The following ACSBG2 variants were observed in gnomAD, a reference collection of about 807,000 sequenced individuals.
The protein encoded by ACSBG2 is long-chain-fatty-acid--CoA ligase ACSBG2.
In ACSBG2, 62 loss-of-function variants were observed where a neutral mutation model predicts 74.7. The observed-to-expected ratio is 0.83, with a 90% CI of 0.68 to 1.03. The LOEUF (loss-of-function observed/expected upper bound fraction) is 1.03, where lower values mean the gene tolerates loss of function less well. ACSBG2 is among the 50% of genes least tolerant of loss of function. The pLI, the probability that ACSBG2 is intolerant of heterozygous loss-of-function variation, is 0.00. For synonymous variants in ACSBG2, 309 were observed against 294.1 expected (o/e 1.05, Z -0.52); for missense variants, 730 against 817.6 (o/e 0.89, Z 1.31).
chr19:6,136,004 G>T (rs917064242), intron 1 of ACSBG2, 95 bp downstream of exon 1: 3 of 151,970 alleles, frequency 2.0e-5, no homozygotes, highest in African/African-American at 7.3e-5. Context: ...GCAGTGGCAC[G>T]ATCTCAGCTC....
intron 14 of ACSBG2, chr19:6,191,125 GATA>G (rs1021483872): frequency 2.5e-5 from 4 of 159,154 alleles, no homozygotes; most frequent in Admixed American, 6.0e-5. Flanking sequence ...CCATTACACA[GATA>G]ATAAGGGATG....
At chr19:6,162,655 A>C (rs897094366) in intron 6 of ACSBG2, among the ~76,000 whole-genome samples, 4 of 152,132 alleles carry the variant, frequency 2.6e-5, no homozygotes, top group African/African-American at 9.7e-5. Context: ...ATAACTTAAA[A>C]GACTACTTTG....
chr19:6,163,322 C>T lies in ACSBG2; in HGVS notation c.588+2027C>T, dbSNP rs186387743. On this transcript the variant is annotated intron_variant, in intron 6 of 14. Transcript: ENST00000588485. ...AAAATTAGCTGGGCATGGTGGCATGCGCCTGTAGTCCCAGCTGCTCAGGAG... is the reference window on the plus strand; with the variant it reads ...AAAATTAGCTGGGCATGGTGGCATGTGCCTGTAGTCCCAGCTGCTCAGGAG... 5.6e-5 allele frequency among the ~76,000 whole-genome samples: 5 copies of T among 89,546 alleles called. 2 individuals are homozygous for T. Among genetic ancestry groups the T allele is most frequent in the South Asian group, 8.5e-4 (2 of 2,344 alleles). 58.7% of individuals were successfully genotyped at this position (89,546 alleles called of 152,430 possible). A position where few individuals can be genotyped will look rare whatever the true frequency, so the allele number is the denominator to read the frequency against.
intron 4 of ACSBG2, among the ~76,000 whole-genome samples, chr19:6,155,856 G>A (rs1011171586): frequency 2.1e-4 from 30 of 143,156 alleles, no homozygotes; most frequent in Middle Eastern, 3.7e-3. Context: ...CTTAAAACTC[G>A]AATTTCTAAC....
At chr19:6,150,973 G>A (rs1158916782) in intron 3 of ACSBG2, among the ~76,000 whole-genome samples, 1 of 151,870 alleles carries the variant, frequency 6.6e-6, no homozygotes, top group African/African-American at 2.4e-5. Context: ...AATTAGCCAG[G>A]CGTGGTGGCG....
chr19:6,138,479 A>AGGGGAAG, intron 1 of ACSBG2, among the ~76,000 whole-genome samples: 1 of 99,620 alleles, frequency 1.0e-5, no homozygotes, highest in East Asian at 3.6e-4. Context: ...GGAGAGAGAG[A>AGGGGAAG]GGGGAAGGGG....
chr19:6,187,320 C>A lies in ACSBG2; in HGVS notation c.1578C>A (p.Pro526=). The part of the protein sequence containing the change: ...LITAGGENVP[P]IPVETLVKKK... ...CTGCTGGTGGTGAAAATGTGCCCCCCATTCCTGTTGAGACCTTGGTTAAGA... is the reference window on the plus strand; with the variant it reads ...CTGCTGGTGGTGAAAATGTGCCCCCAATTCCTGTTGAGACCTTGGTTAAGA... The change falls in exon 12 of 15, where the codon CCC becomes CCA. Residue 526 remains proline (P), a synonymous_variant. Coordinates refer to ENST00000588485, the MANE Select transcript of ACSBG2 (RefSeq NM_030924.5). 3.1e-6 allele frequency: 5 copies of A among 1,614,172 alleles called. No individual in the cohort carries two copies. The highest frequency in any genetic ancestry group is 1.1e-5 in the South Asian group (1 of 91,074).
rs553779183 is a variant in ACSBG2 at position 6,185,820 on chromosome 19, A to G, written c.1540+167A>G. On this transcript the variant is annotated intron_variant, in intron 11 of 14. Coordinates refer to ENST00000588485, the MANE Select transcript of ACSBG2 (RefSeq NM_030924.5). ...ACCCAGCTCTATCCTCCTGTCCAGC[A>G]AACAGTTACCCCTTGGTCACTTGGT... 6.1e-4 allele frequency among the ~76,000 whole-genome samples: 93 copies of G among 152,286 alleles called. 1 individual carries two copies. Among genetic ancestry groups the G allele is most frequent in the Non-Finnish European group, 1.9e-4 (13 of 68,004 alleles).
chr19:6,161,150 C>A, intron 5 of ACSBG2, 65 bp from the exon 6 acceptor site: 2 of 1,356,390 alleles, frequency 1.5e-6, no homozygotes, highest in Non-Finnish European at 2.1e-6. Context: ...CTTAGGACAT[C>A]TAACCCAGCT....
chr19:6,161,061 A>G (rs928085345), intron 5 of ACSBG2, among the ~76,000 whole-genome samples, 154 bp from the exon 6 acceptor site: 1 of 150,858 alleles, frequency 6.6e-6, no homozygotes, highest in African/African-American at 2.4e-5. Context: ...GATTGGGCCA[A>G]TGCACTCCAG....
rs533225894 is a variant in ACSBG2, at chr19:6,147,454, A to G, written c.76A>G (p.Arg26Gly). Residue 26 changes from arginine to glycine, a missense_variant, in exon 3 of 15, where the codon AGG becomes GGG. Physicochemically the swap from Arg to Gly is moderately radical, Grantham distance 125. Coordinates refer to ENST00000588485, the MANE Select transcript of ACSBG2 (RefSeq NM_030924.5). ...CTGGTGACTATTTGCAGTTACTCCCAGGCTGTGGACCACCTGTCGAGATGG... is the reference window on the plus strand; with the variant it reads ...CTGGTGACTATTTGCAGTTACTCCCGGGCTGTGGACCACCTGTCGAGATGG... ...VDMNKTEVTPRLWTTCRDGEV... is the reference protein window; with the variant it reads ...VDMNKTEVTPGLWTTCRDGEV... 3 of 1,614,102 alleles carry G rather than the reference A, an allele frequency of 1.9e-6. No homozygotes were observed. In the Admixed American group the frequency reaches 5.0e-5, roughly 27 times the overall value.
intron 2 of ACSBG2, 70 bp downstream of exon 2, chr19:6,141,680 A>G: frequency 9.7e-7 from 1 of 1,035,946 alleles, no homozygotes; most frequent in South Asian, 1.3e-5. Flanking sequence ...TTTGCAGAGG[A>G]GTCTGGATCT....
rs1198523811 is a variant in ACSBG2 at position 6,161,206 on chromosome 19, T to TTG, written c.508-8_508-7insGT. The TTG allele has an allele frequency of 6.2e-7, 1 of 1,612,686 alleles. No individual in the cohort carries two copies. Among genetic ancestry groups the TTG allele is most frequent in the African/African-American group, 1.3e-5 (1 of 74,846 alleles). On this transcript the variant is annotated splice_polypyrimidine_tract_variant and intron_variant, in intron 5 of 14. Coordinates refer to ENST00000588485, the MANE Select transcript of ACSBG2 (RefSeq NM_030924.5). ...GTTGCCATGAAGCCCACAGGGAACT[T>TTG]TCTTTCAGATTCCACAGAGCAGCCT...
At chr19:6,159,945 A>G (rs2089550625) in intron 5 of ACSBG2, among the ~76,000 whole-genome samples, 1 of 152,322 alleles carries the variant, frequency 6.6e-6, no homozygotes, top group Middle Eastern at 3.4e-3. Context: ...TCCAGCTGCT[A>G]TACGGGCTTC....
intron 6 of ACSBG2, among the ~76,000 whole-genome samples, chr19:6,164,086 C>T (rs900485854): frequency 6.6e-6 from 1 of 152,220 alleles, no homozygotes; most frequent in African/African-American, 2.4e-5. Context: ...AGTTGTGATG[C>T]TTGGCATCTG....
chr19:6,165,722 G>T, intron 6 of ACSBG2, 144 bp from the exon 7 acceptor site: 4 of 966,174 alleles, frequency 4.1e-6, no homozygotes, highest in East Asian at 5.3e-5. Flanking sequence ...TGGGACTTTT[G>T]TAAGAGGTGC....
intron 5 of ACSBG2, among the ~76,000 whole-genome samples, chr19:6,158,622 T>C (rs941429269): frequency 1.8e-4 from 27 of 152,326 alleles, no homozygotes; most frequent in African/African-American, 6.5e-4. Context: ...CAAGGACCAC[T>C]GTGACTGTTT....
chr19:6,167,983 A>ACCCCCCCC (rs147087169), intron 7 of ACSBG2, among the ~76,000 whole-genome samples: 1 of 28,528 alleles, frequency 3.5e-5, no homozygotes. Context: ...CCTCACCCCC[A>ACCCCCCCC]CCCCCAGTCT....
chr19:6,144,567 C>G (rs2088961725), intron 2 of ACSBG2, among the ~76,000 whole-genome samples: 1 of 152,212 alleles, frequency 6.6e-6, no homozygotes, highest in Non-Finnish European at 1.5e-5. Context: ...AGACTTGTGG[C>G]CTCCAGAATT....
Sources: gnomAD v4.1 joint callset for allele counts (sites outside exome capture counted in the v4.1 genomes callset) on GRCh38, gnomAD v4.1.1 for gene constraint, MANE v1.5 for transcripts, NCBI Gene and HGNC (gene_info 2026-07-23, HGNC 2026-07-21) for gene names.